Variants in GUCY1A2 observed in about 807,000 individuals in gnomAD.
The protein encoded by GUCY1A2 is guanylate cyclase soluble subunit alpha-2.
In GUCY1A2, 27 loss-of-function variants were observed where a neutral mutation model predicts 63.5. The observed-to-expected ratio is 0.43, with a 90% CI of 0.31 to 0.59. The LOEUF (loss-of-function observed/expected upper bound fraction) is 0.59. Ranked by LOEUF, GUCY1A2 falls within the 20% of genes least tolerant of loss-of-function variation. The pLI is 0.11. For synonymous variants in GUCY1A2, 364 were observed against 343.5 expected (o/e 1.06, Z -0.66); for missense variants, 768 against 913.3 (o/e 0.84, Z 2.05).
intron 4 of GUCY1A2, among the ~76,000 whole-genome samples, chr11:106,853,902 T>C (rs1250379167): frequency 6.6e-6 from 1 of 152,134 alleles, no homozygotes; most frequent in African/African-American, 2.4e-5. Flanking sequence ...ATGATTTCTT[T>C]GGCTGTAATA....
At chr11:106,889,776 T>C (rs148472544) in intron 4 of GUCY1A2, among the ~76,000 whole-genome samples, 26 of 152,250 alleles carry the variant, frequency 1.7e-4, no homozygotes, top group African/African-American at 6.0e-4. Flanking sequence ...GCCAAAAAGG[T>C]GTCTAAAGAA....
intron 4 of GUCY1A2, among the ~76,000 whole-genome samples, chr11:106,908,144 C>A (rs1481874763): frequency 6.6e-6 from 1 of 151,964 alleles, no homozygotes; most frequent in Admixed American, 6.6e-5. Flanking sequence ...AGATATTAGG[C>A]AAATGGCATT....
At chr11:106,868,595 C>T (rs920036932) in intron 4 of GUCY1A2, among the ~76,000 whole-genome samples, 19 of 151,784 alleles carry the variant, frequency 1.3e-4, no homozygotes, top group South Asian at 2.1e-4. Context: ...CACTGCTCAA[C>T]AAAATAAAAG....
intron 4 of GUCY1A2, among the ~76,000 whole-genome samples, chr11:106,923,131 A>ACTTGTCATTCCAAGTATAAAC (rs1860471848): frequency 3.3e-5 from 5 of 152,200 alleles, no homozygotes; most frequent in African/African-American, 1.2e-4. Flanking sequence ...TGACAAGTAT[A>ACTTGTCATTCCAAGTATAAAC]TTGGAGAAAT....
At chr11:106,697,081 T>C (rs912829573) in intron 7 of GUCY1A2, among the ~76,000 whole-genome samples, 6 of 152,216 alleles carry the variant, frequency 3.9e-5, no homozygotes, top group Admixed American at 2.6e-4. Context: ...ATTCAGTTTA[T>C]AGAGGATCAT....
intron 2 of GUCY1A2, among the ~76,000 whole-genome samples, chr11:106,979,991 G>A (rs1007174055): frequency 1.3e-5 from 2 of 152,278 alleles, no homozygotes; most frequent in African/African-American, 4.8e-5. Flanking sequence ...AGTTGGTGAG[G>A]GGGGTCCACA....
At chr11:106,828,942 T>C (rs948532664) in intron 4 of GUCY1A2, among the ~76,000 whole-genome samples, 1 of 152,190 alleles carries the variant, frequency 6.6e-6, no homozygotes, top group African/African-American at 2.4e-5. Context: ...TCCTCCAACA[T>C]TCGTGAAAAC....
intron 6 of GUCY1A2, among the ~76,000 whole-genome samples, chr11:106,744,847 C>T (rs933873478): frequency 6.6e-6 from 1 of 152,114 alleles, no homozygotes; most frequent in African/African-American, 2.4e-5. Flanking sequence ...ATGTTGTCAA[C>T]ATGGATAATG....
At chr11:106,866,674 T>C (rs1271423050) in intron 4 of GUCY1A2, among the ~76,000 whole-genome samples, 1 of 152,052 alleles carries the variant, frequency 6.6e-6, no homozygotes, top group East Asian at 1.9e-4. Flanking sequence ...ATTCATTCAA[T>C]AGCTCCTCAT....
At chr11:106,784,689 GT>G (rs1267155327) in intron 5 of GUCY1A2, among the ~76,000 whole-genome samples, 1 of 152,000 alleles carries the variant, frequency 6.6e-6, no homozygotes, top group Non-Finnish European at 1.5e-5. Context: ...ATTTTTTTTA[GT>G]TTCTGTAAGT....
At chr11:106,709,299 T>TA (rs1591240176) in intron 6 of GUCY1A2, among the ~76,000 whole-genome samples, 1 of 76,578 alleles carries the variant, frequency 1.3e-5, no homozygotes, top group Non-Finnish European at 2.2e-5. Flanking sequence ...ATATTTATAT[T>TA]TTTATATTTA....
intron 6 of GUCY1A2, among the ~76,000 whole-genome samples, chr11:106,761,369 T>C (rs192834074): frequency 6.6e-6 from 1 of 152,282 alleles, no homozygotes; most frequent in Non-Finnish European, 1.5e-5. Context: ...CTGGCTAAGC[T>C]AAACCACAAG....
intron 1 of GUCY1A2, among the ~76,000 whole-genome samples, chr11:107,010,314 C>A (rs1218324894): frequency 6.6e-6 from 1 of 152,208 alleles, no homozygotes; most frequent in Non-Finnish European, 1.5e-5. Flanking sequence ...TCATTTCCAT[C>A]TCCTAGTAGT....
intron 1 of GUCY1A2, among the ~76,000 whole-genome samples, chr11:107,016,921 C>A (rs1356556228): frequency 6.6e-6 from 1 of 152,088 alleles, no homozygotes; most frequent in Non-Finnish European, 1.5e-5. Flanking sequence ...CTAATGCATG[C>A]GAAGCTTAAT....
At chr11:106,979,038 G>A (rs1861299459) in intron 2 of GUCY1A2, among the ~76,000 whole-genome samples, 1 of 152,188 alleles carries the variant, frequency 6.6e-6, no homozygotes, top group Non-Finnish European at 1.5e-5. Flanking sequence ...ACTTCATCAA[G>A]GCTAGTGATC....
At chr11:106,977,140 T>C (rs1026671838) in intron 3 of GUCY1A2, among the ~76,000 whole-genome samples, 9 of 152,166 alleles carry the variant, frequency 5.9e-5, no homozygotes, top group Non-Finnish European at 1.2e-4. Flanking sequence ...AAGAAGCAAC[T>C]TCTCAAAATA....
At chr11:106,799,694 G>A (rs1478383485) in intron 5 of GUCY1A2, among the ~76,000 whole-genome samples, 1 of 152,064 alleles carries the variant, frequency 6.6e-6, no homozygotes, top group Non-Finnish European at 1.5e-5. Context: ...CCATATGTAG[G>A]AAGCTGAAAC....
chr11:106,902,331 T>G (rs528568224), intron 4 of GUCY1A2, among the ~76,000 whole-genome samples: 1 of 152,330 alleles, frequency 6.6e-6, no homozygotes, highest in South Asian at 2.1e-4. Flanking sequence ...AGAGGTAGAA[T>G]AGATTTAGCA....
At chr11:106,749,343 T>C (rs916840891) in intron 6 of GUCY1A2, among the ~76,000 whole-genome samples, 4 of 152,082 alleles carry the variant, frequency 2.6e-5, no homozygotes, top group African/African-American at 9.6e-5. Context: ...TTGAAATCTA[T>C]TGTTTTTGGT....
Sources: gnomAD v4.1 joint callset for allele counts (sites outside exome capture counted in the v4.1 genomes callset) on GRCh38, gnomAD v4.1.1 for gene constraint, MANE v1.5 for transcripts, NCBI Gene and HGNC (gene_info 2026-07-23, HGNC 2026-07-21) for gene names.